The following TTC39B variants were observed in gnomAD, a reference collection of about 807,000 sequenced individuals.
The protein encoded by TTC39B is tetratricopeptide repeat protein 39B.
A neutral mutation model predicts 96.6 loss-of-function variants in TTC39B; 92 were observed. The observed-to-expected ratio is 0.95, with a 90% CI of 0.80 to 1.13. The LOEUF (loss-of-function observed/expected upper bound fraction) is 1.13, where lower values mean the gene tolerates loss of function less well. TTC39B is among the 50% of genes most tolerant of loss of function. The pLI is 0.00. For synonymous variants in TTC39B, 367 were observed against 299.4 expected (o/e 1.23, Z -2.33); for missense variants, 955 against 809.3 (o/e 1.18, Z -2.18).
At chr9:15,188,075 G>A in exon 14 of TTC39B, 1 of 1,610,804 alleles carries the variant, frequency 6.2e-7, no homozygotes, top group Non-Finnish European at 8.5e-7. Flanking sequence ...TAGCAGAGAT[G>A]GTGAAACTGT....
intron 1 of TTC39B, among the ~76,000 whole-genome samples, chr9:15,283,255 A>G (rs1198429648): frequency 6.6e-6 from 1 of 152,238 alleles, no homozygotes; most frequent in Non-Finnish European, 1.5e-5. Flanking sequence ...ATGTGTATAT[A>G]AGTATGCTAT....
At chr9:15,232,922 C>G (rs655454) in intron 2 of TTC39B, among the ~76,000 whole-genome samples, 88,814 of 152,114 alleles carry the variant, frequency 0.58, 27,649 homozygotes, top group African/African-American at 0.8. Context: ...ACGACGGCGG[C>G]CGCTCAGGCA....
chr9:15,241,719 T>C (rs896362193), intron 2 of TTC39B, among the ~76,000 whole-genome samples: 1 of 151,720 alleles, frequency 6.6e-6, no homozygotes, highest in East Asian at 1.9e-4. Context: ...TAGTAATCTT[T>C]CGTAAGTTTC....
exon 20 of TTC39B, chr9:15,166,498 G>C (rs905054635): frequency 6.6e-6 from 1 of 152,216 alleles, no homozygotes; most frequent in Admixed American, 6.5e-5. Context: ...AAAATGACTA[G>C]AATGGACTTC....
intron 1 of TTC39B, among the ~76,000 whole-genome samples, chr9:15,293,581 C>T (rs10738391): frequency 0.49 from 73,172 of 148,026 alleles, 17,937 homozygotes; most frequent in East Asian, 0.67. Context: ...GAATCGCTGG[C>T]GGTGAGACAC....
chr9:15,213,179 G>A (rs1026982770), intron 4 of TTC39B, among the ~76,000 whole-genome samples: 1 of 151,944 alleles, frequency 6.6e-6, no homozygotes, highest in East Asian at 1.9e-4. Flanking sequence ...CTGAGAGAGG[G>A]AAAGACAAGC....
chr9:15,265,121 T>G (rs780366034), intron 2 of TTC39B, among the ~76,000 whole-genome samples: 2 of 152,198 alleles, frequency 1.3e-5, no homozygotes, highest in Non-Finnish European at 2.9e-5. Context: ...TGGTGTGAGA[T>G]AGGAATCTAA....
At chr9:15,262,146 T>C (rs1822969402) in intron 2 of TTC39B, among the ~76,000 whole-genome samples, 1 of 152,230 alleles carries the variant, frequency 6.6e-6, no homozygotes, top group African/African-American at 2.4e-5. Flanking sequence ...TCACCCAGGC[T>C]GGAGTGCAGT....
chr9:15,234,470 C>A (rs1400939048), intron 2 of TTC39B, among the ~76,000 whole-genome samples: 27 of 151,790 alleles, frequency 1.8e-4, no homozygotes, highest in Non-Finnish European at 3.4e-4. Context: ...CTCTGCCCGG[C>A]CGCCCCTGCT....
rs142766185 is a variant in TTC39B at position 15,178,578 on chromosome 9, T to C, written c.1724-764A>G. Among the ~76,000 whole-genome samples the C allele has an allele frequency of 3.9e-3, 598 of 152,308 alleles. 10 individuals carry two copies. Among genetic ancestry groups the C allele is most frequent in the African/African-American group, 0.014 (567 of 41,574 alleles). On this transcript the variant is annotated intron_variant, in intron 17 of 19. Transcript: ENST00000512701. Reference sequence around the variant, plus strand: ...TGAAAGAGCAAGACCCCATCTGATATACACATACATTCCTACAGTGCTGAA... The same window carrying C: ...TGAAAGAGCAAGACCCCATCTGATACACACATACATTCCTACAGTGCTGAA...
intron 2 of TTC39B, among the ~76,000 whole-genome samples, chr9:15,231,959 G>A: frequency 6.6e-6 from 1 of 152,156 alleles, no homozygotes; most frequent in East Asian, 1.9e-4. Context: ...CAGAGACCTT[G>A]GCACATCTCA....
rs139034973 is a variant in TTC39B, at chr9:15,241,260, T to C, written c.276-15248A>G. Reference sequence around the variant, plus strand: ...CTTTATCATGTGTTTTACATTTGTATCAGAAACTGGGATTAAAATAGAGAA... The same window carrying C: ...CTTTATCATGTGTTTTACATTTGTACCAGAAACTGGGATTAAAATAGAGAA... On this transcript the variant is annotated intron_variant, in intron 2 of 19. Coordinates refer to ENST00000512701, the Ensembl canonical transcript of TTC39B. Among the ~76,000 whole-genome samples, 740 of 151,026 alleles carry C rather than the reference T, an allele frequency of 4.9e-3. 6 individuals carry two copies. Among genetic ancestry groups the C allele is most frequent in the African/African-American group, 0.016 (664 of 41,054 alleles).
chr9:15,233,722 G>A (rs1470152902), intron 2 of TTC39B, among the ~76,000 whole-genome samples: 3 of 152,202 alleles, frequency 2.0e-5, no homozygotes, highest in African/African-American at 7.2e-5. Context: ...CCACCTCCCA[G>A]CCGCCTGCCT....
intron 1 of TTC39B, among the ~76,000 whole-genome samples, chr9:15,276,385 G>A (rs1393919876): frequency 6.6e-6 from 1 of 152,140 alleles, no homozygotes; most frequent in East Asian, 1.9e-4. Context: ...GTAAATTAGA[G>A]ATGCCCATAG....
intron 1 of TTC39B, among the ~76,000 whole-genome samples, chr9:15,287,184 T>C (rs1282849960): frequency 1.3e-5 from 2 of 152,238 alleles, no homozygotes; most frequent in African/African-American, 4.8e-5. Flanking sequence ...CTCTAAATGC[T>C]TGGAGGGGAG....
Position 15,182,365 on chromosome 9 carries a change from GTCTTT to G in TTC39B, c.1660_1664del (p.Lys554ProfsTer3). ...CAGTTACTAACAGATTTTCAGAAAG[GTCTTT>G]TCTTTTGCTCACTATTGAAAAACCA... On this transcript the variant is annotated frameshift_variant, in exon 17 of 20. Transcript: ENST00000512701. LOFTEE classifies it high-confidence loss of function. 11 of 1,611,880 alleles carry G rather than the reference GTCTTT, an allele frequency of 6.8e-6. No homozygotes were observed. Among genetic ancestry groups the G allele is most frequent in the Non-Finnish European group, 9.3e-6 (11 of 1,179,076 alleles).
intron 10 of TTC39B, among the ~76,000 whole-genome samples, chr9:15,190,911 C>T (rs1264303315): frequency 1.3e-5 from 2 of 152,028 alleles, no homozygotes; most frequent in Non-Finnish European, 2.9e-5. Flanking sequence ...CATAGGAAAC[C>T]ACGTGAGAGT....
At chr9:15,180,573 A>G (rs887031343) in intron 17 of TTC39B, among the ~76,000 whole-genome samples, 1 of 152,166 alleles carries the variant, frequency 6.6e-6, no homozygotes, top group Non-Finnish European at 1.5e-5. Flanking sequence ...AAGCTAGGAG[A>G]AGCCAATACA....
At chr9:15,233,632 G>A (rs1467471605) in intron 2 of TTC39B, among the ~76,000 whole-genome samples, 1 of 152,200 alleles carries the variant, frequency 6.6e-6, no homozygotes, top group Non-Finnish European at 1.5e-5. Flanking sequence ...TGCCGGGATT[G>A]CAGACGGAGT....
Sources: gnomAD v4.1 joint callset for allele counts (sites outside exome capture counted in the v4.1 genomes callset) on GRCh38, gnomAD v4.1.1 for gene constraint, MANE v1.5 for transcripts, NCBI Gene and HGNC (gene_info 2026-07-23, HGNC 2026-07-21) for gene names.